Variants in CAST observed in about 807,000 individuals in gnomAD.
The protein encoded by CAST is MIR583 host.
A neutral mutation model predicts 119.6 loss-of-function variants in CAST; 76 were observed. The observed-to-expected ratio is 0.64, with a 90% confidence interval of 0.53 to 0.77. CAST has a LOEUF of 0.77. Among genes scored for constraint, CAST ranks in the 30% least tolerant of loss-of-function variants. The pLI, the probability that CAST is intolerant of heterozygous loss-of-function variation, is 0.00. For missense variants in CAST, 953 were observed against 946.5 expected, an observed-to-expected ratio of 1.01 and a Z score of -0.09; for synonymous variants, 319 against 331.6, an observed-to-expected ratio of 0.96 and a Z score of 0.41.
the CAST span, chr5:96,397,298 G>A: frequency 6.3e-7 from 1 of 1,593,170 alleles, no homozygotes; most frequent in Non-Finnish European, 8.6e-7. Context: ...ATGTTTAAAA[G>A]TAAGCTTGTG....
chr5:96,285,957 A>G, the CAST span, among the ~76,000 whole-genome samples: 6 of 152,252 alleles, frequency 3.9e-5, no homozygotes, highest in Non-Finnish European at 8.8e-5. Flanking sequence ...TAGAGAGAAT[A>G]GCAAATCACT....
the CAST span, among the ~76,000 whole-genome samples, chr5:96,013,946 G>A: frequency 2.0e-3 from 310 of 152,026 alleles, no homozygotes; most frequent in African/African-American, 7.3e-3. Context: ...GTACATTTAA[G>A]CTATACCAAA....
At chr5:96,344,224 G>C in the CAST span, among the ~76,000 whole-genome samples, 1 of 152,120 alleles carries the variant, frequency 6.6e-6, no homozygotes, top group Admixed American at 6.6e-5. Context: ...CTAGTGATGA[G>C]TCTGTATGTA....
chr5:96,581,808 G>A (rs190605059), intron 1 of CAST, among the ~76,000 whole-genome samples: 128 of 152,122 alleles, frequency 8.4e-4, no homozygotes, highest in African/African-American at 3.0e-3. Flanking sequence ...GGAGAATGGT[G>A]TGAACCCAGG....
intron 14 of CAST, 23 bp from the exon 15 acceptor site, chr5:96,741,471 A>C: frequency 3.8e-6 from 6 of 1,584,740 alleles, no homozygotes; most frequent in Non-Finnish European, 5.2e-6. Context: ...TGTAAGTCTA[A>C]TCTTTTGTAT....
At chr5:96,635,446 G>T (rs919226032) in intron 1 of CAST, among the ~76,000 whole-genome samples, 2 of 152,170 alleles carry the variant, frequency 1.3e-5, no homozygotes, top group African/African-American at 4.8e-5. Context: ...CAAGAGGTTG[G>T]ATGGGATCTT....
chr5:96,006,729 G>A, the CAST span, among the ~76,000 whole-genome samples: 2 of 152,222 alleles, frequency 1.3e-5, no homozygotes, highest in African/African-American at 4.8e-5. Context: ...GATTGACCTT[G>A]AAGCAAAACC....
intron 3 of CAST, chr5:96,714,719 A>G (rs1756886888): frequency 6.6e-6 from 1 of 152,164 alleles, no homozygotes; most frequent in African/African-American, 2.4e-5. Context: ...CATGAATACA[A>G]CTTCAGGAAA....
At chr5:96,056,388 T>C in the CAST span, among the ~76,000 whole-genome samples, 29 of 152,106 alleles carry the variant, frequency 1.9e-4, no homozygotes, top group Non-Finnish European at 3.8e-4. Flanking sequence ...TATAAGAATG[T>C]TTAGGCTGAA....
At chr5:96,226,958 A>T in the CAST span, among the ~76,000 whole-genome samples, 2 of 152,108 alleles carry the variant, frequency 1.3e-5, no homozygotes, top group African/African-American at 4.8e-5. Context: ...TTCAGACTGA[A>T]CCTCTTCTGA....
chr5:96,551,181 C>A (rs1475118218), intron 1 of CAST, among the ~76,000 whole-genome samples: 1 of 152,170 alleles, frequency 6.6e-6, no homozygotes, highest in African/African-American at 2.4e-5. Context: ...GGTGGTGTTA[C>A]CCACAAAGGG....
At chr5:96,494,884 A>G in the CAST span, among the ~76,000 whole-genome samples, 15 of 152,128 alleles carry the variant, frequency 9.9e-5, no homozygotes, top group East Asian at 1.9e-4. Flanking sequence ...TTGGGAGGGC[A>G]AGGCGGGCGG....
At chr5:95,993,130 A>C in the CAST span, among the ~76,000 whole-genome samples, 4 of 152,338 alleles carry the variant, frequency 2.6e-5, no homozygotes, top group South Asian at 4.1e-4. Flanking sequence ...TTATATGATC[A>C]ACTGATTTTC....
chr5:95,975,378 T>G, the CAST span, among the ~76,000 whole-genome samples: 1 of 152,090 alleles, frequency 6.6e-6, no homozygotes, highest in Non-Finnish European at 1.5e-5. Flanking sequence ...CCCTCAGAGG[T>G]TTTGATTTAT....
the CAST span, chr5:96,399,887 T>A: frequency 7.8e-7 from 1 of 1,276,392 alleles, no homozygotes; most frequent in Non-Finnish European, 1.1e-6. Flanking sequence ...TCAGGCAGAA[T>A]GGCAAACATA....
At chr5:96,635,724 C>A (rs1408923642) in intron 1 of CAST, among the ~76,000 whole-genome samples, 1 of 152,176 alleles carries the variant, frequency 6.6e-6, no homozygotes, top group Non-Finnish European at 1.5e-5. Context: ...ACTAGCTCCT[C>A]CAAAACTGAG....
At chr5:96,038,460 T>G in the CAST span, among the ~76,000 whole-genome samples, 3 of 151,986 alleles carry the variant, frequency 2.0e-5, no homozygotes, top group Non-Finnish European at 4.4e-5. Flanking sequence ...CCATGGTAGT[T>G]TGCTGCACCC....
At chr5:96,032,210 A>G in the CAST span, among the ~76,000 whole-genome samples, 1 of 152,162 alleles carries the variant, frequency 6.6e-6, no homozygotes, top group Non-Finnish European at 1.5e-5. Context: ...CAGCCTGGAG[A>G]CTAGCTACCA....
intron 1 of CAST, among the ~76,000 whole-genome samples, chr5:96,631,767 C>T (rs975602128): frequency 6.6e-6 from 1 of 152,068 alleles, no homozygotes; most frequent in African/African-American, 2.4e-5. Flanking sequence ...ATCCCGACCT[C>T]GTGATCCACC....
Sources: gnomAD v4.1 joint callset for allele counts (sites outside exome capture counted in the v4.1 genomes callset) on GRCh38, gnomAD v4.1.1 for gene constraint, MANE v1.5 for transcripts, NCBI Gene and HGNC (gene_info 2026-07-23, HGNC 2026-07-21) for gene names.